Variants in SENP6 observed in about 807,000 individuals in gnomAD.
SENP6 encodes SUMO specific peptidase 6, also known as sentrin-specific protease 6.
SENP6 carries 41 observed loss-of-function variants against 134.5 expected under a neutral mutation model. The ratio of observed to expected loss-of-function variants is 0.30; its 90% CI spans 0.24 to 0.40. The LOEUF is 0.40. Ranked by LOEUF, SENP6 falls within the 10% of genes least tolerant of loss-of-function variation. The pLI is 1.00. For synonymous variants in SENP6, 395 were observed against 429.8 expected, an observed-to-expected ratio of 0.92 and a Z score of 1.00; for missense variants, 1,248 against 1,312.5, an observed-to-expected ratio of 0.95 and a Z score of 0.76.
intron 16 of SENP6, among the ~76,000 whole-genome samples, chr6:75,688,436 T>G (rs1774002057): frequency 6.6e-6 from 1 of 152,148 alleles, no homozygotes; most frequent in African/African-American, 2.4e-5. Context: ...ATGAACTAGT[T>G]ACCTCAGTTG....
rs1034073617 is a variant in SENP6, at chr6:75,716,633, T to A, written c.*1039T>A. ...TCTTTGAATTCCCCTTTAAAATAAC[T>A]AAAATTTGATGGTTTCCATGACAGA... On this transcript the variant is annotated 3_prime_UTR_variant, in exon 24 of 24. Coordinates refer to ENST00000447266, the MANE Select transcript of SENP6 (RefSeq NM_015571.4). The A allele has an allele frequency of 5.9e-5, 9 of 152,106 alleles. 1 individual carries two copies. The highest frequency in any genetic ancestry group is 5.9e-4 in the Admixed American group (9 of 15,288). The allele number at this position is 152,106 out of a possible 1,614,324, so 9.4% of individuals were successfully genotyped here.
At chr6:75,691,949 C>T (rs904611197) in intron 16 of SENP6, among the ~76,000 whole-genome samples, 3 of 151,994 alleles carry the variant, frequency 2.0e-5, no homozygotes, top group African/African-American at 4.8e-5. Context: ...ATCCGCCTCC[C>T]GGGTTCAAGC....
intron 6 of SENP6, chr6:75,646,876 A>G (rs1770491531): frequency 6.6e-6 from 1 of 151,768 alleles, no homozygotes; most frequent in Non-Finnish European, 1.5e-5. Context: ...ATCTCCACCC[A>G]TATTACTTTT....
chr6:75,671,918 A>G (rs910409507), intron 11 of SENP6, among the ~76,000 whole-genome samples: 3 of 152,212 alleles, frequency 2.0e-5, no homozygotes, highest in Non-Finnish European at 4.4e-5. Context: ...GCACAGCTCT[A>G]TGAGAATCCG....
chr6:75,685,626 A>G (rs936420443), intron 16 of SENP6, among the ~76,000 whole-genome samples: 2 of 152,200 alleles, frequency 1.3e-5, no homozygotes, highest in Admixed American at 1.3e-4. Flanking sequence ...TTCAAAGAAC[A>G]TCTTTATTTC....
intron 7 of SENP6, among the ~76,000 whole-genome samples, chr6:75,658,782 G>T (rs1326582707): frequency 6.6e-6 from 1 of 151,528 alleles, no homozygotes; most frequent in Non-Finnish European, 1.5e-5. Context: ...AACCAGCCTG[G>T]GCAACATAGG....
At chr6:75,621,245 TTATATA>T (rs1768245638) in intron 1 of SENP6, among the ~76,000 whole-genome samples, 1 of 152,198 alleles carries the variant, frequency 6.6e-6, no homozygotes, top group African/African-American at 2.4e-5. Flanking sequence ...AGGGCTGATT[TTATATA>T]TATTCATACA....
intron 10 of SENP6, among the ~76,000 whole-genome samples, chr6:75,667,730 T>C (rs935494111): frequency 1.3e-5 from 2 of 152,170 alleles, no homozygotes; most frequent in African/African-American, 4.8e-5. Flanking sequence ...TTCCTTAGAC[T>C]CCATCTTCCC....
At chr6:75,667,939 A>G (rs192857931) in intron 10 of SENP6, among the ~76,000 whole-genome samples, 1 of 152,304 alleles carries the variant, frequency 6.6e-6, no homozygotes, top group African/African-American at 2.4e-5. Context: ...AAATATGTGT[A>G]TATTACTTTA....
intron 4 of SENP6, among the ~76,000 whole-genome samples, chr6:75,633,950 G>A (rs1207698798): frequency 6.6e-6 from 1 of 152,180 alleles, no homozygotes; most frequent in Non-Finnish European, 1.5e-5. Flanking sequence ...GAAATACTTT[G>A]TTAGGGTGGG....
At position 75,675,299 on chromosome 6, in the gene SENP6, A is replaced by C. The variant is rs558732101; in HGVS notation, c.1393-136A>C. 1.3e-5 allele frequency: 7 copies of C among 537,318 alleles called. No homozygotes were observed. In the South Asian group the frequency reaches 1.7e-4, roughly 13 times the overall value. 33.3% of individuals were successfully genotyped at this position (537,318 alleles called of 1,614,324 possible). A position where few individuals can be genotyped will look rare whatever the true frequency, so the allele number is the denominator to read the frequency against. Reference sequence around the variant, plus strand: ...AAGCAATGTTTAGGTGTTCATTATAATGTTATACCAACTTCTCTGTGGGAT... The same window carrying C: ...AAGCAATGTTTAGGTGTTCATTATACTGTTATACCAACTTCTCTGTGGGAT... On this transcript the variant is annotated intron_variant, in intron 11 of 23. Transcript: ENST00000447266.
chr6:75,666,275 T>TTA (rs949396961), intron 9 of SENP6, among the ~76,000 whole-genome samples: 31 of 146,798 alleles, frequency 2.1e-4, no homozygotes, highest in Non-Finnish European at 3.4e-4. Context: ...AAAATATATA[T>TTA]TATATATATA....
intron 5 of SENP6, among the ~76,000 whole-genome samples, chr6:75,638,383 C>A (rs1420577397): frequency 6.7e-6 from 1 of 149,534 alleles, no homozygotes; most frequent in Non-Finnish European, 1.5e-5. Flanking sequence ...ATGACTTTTC[C>A]CCGGTTTTAT....
intron 2 of SENP6, 25 bp downstream of exon 2, chr6:75,621,650 T>G (rs751298967): frequency 7.2e-7 from 1 of 1,396,076 alleles, no homozygotes. Context: ...TTCCCTCAGA[T>G]GTTTTATAAG....
intron 16 of SENP6, among the ~76,000 whole-genome samples, chr6:75,689,423 A>C (rs12175393): frequency 0.31 from 46,812 of 150,376 alleles, 7,842 homozygotes; most frequent in African/African-American, 0.46. Context: ...AAACAAAAAC[A>C]AAAAAAAACA....
At chr6:75,606,199 C>T (rs1767015000) in intron 1 of SENP6, among the ~76,000 whole-genome samples, 1 of 152,144 alleles carries the variant, frequency 6.6e-6, no homozygotes, top group Admixed American at 6.5e-5. Flanking sequence ...GATTCTAATT[C>T]CATTTCTTTT....
chr6:75,607,661 C>G (rs1037484437), intron 1 of SENP6, among the ~76,000 whole-genome samples: 1 of 151,842 alleles, frequency 6.6e-6, no homozygotes, highest in African/African-American at 2.4e-5. Flanking sequence ...AGTTTGTTTT[C>G]CTTTTCATTT....
intron 1 of SENP6, among the ~76,000 whole-genome samples, chr6:75,606,174 C>A (rs966286540): frequency 2.0e-5 from 3 of 152,160 alleles, no homozygotes; most frequent in Non-Finnish European, 4.4e-5. Flanking sequence ...TGTTTTATAT[C>A]TTTATAACTA....
intron 6 of SENP6, chr6:75,644,151 C>T (rs1008306661): frequency 9.3e-5 from 14 of 151,332 alleles, no homozygotes; most frequent in African/African-American, 3.2e-4. Flanking sequence ...GGATGACACA[C>T]GAATTAGTAA....
Sources: allele counts gnomAD v4.1 joint callset (sites outside exome capture counted in the v4.1 genomes callset), GRCh38; gene constraint gnomAD v4.1.1; transcripts MANE v1.5; gene names NCBI Gene and HGNC (gene_info 2026-07-23, HGNC 2026-07-21).